The following NRG3 variants were observed in gnomAD, a reference collection of about 807,000 sequenced individuals.
The protein encoded by NRG3 is neuregulin 3, also known as pro-neuregulin-3, membrane-bound isoform.
A neutral mutation model predicts 66.9 loss-of-function variants in NRG3; 31 were observed. That is an observed-to-expected ratio of 0.46 (90% CI 0.35 to 0.63). NRG3 has a LOEUF of 0.63. Among genes scored for constraint, NRG3 ranks in the 20% least tolerant of loss-of-function variants. The pLI is 0.00. For missense variants in NRG3, 910 were observed against 878.9 expected, an observed-to-expected ratio of 1.04 and a Z score of -0.45; for synonymous variants, 393 against 359.4, an observed-to-expected ratio of 1.09 and a Z score of -1.06.
At chr10:82,056,460 A>G (rs890938285) in intron 1 of NRG3, among the ~76,000 whole-genome samples, 2 of 152,190 alleles carry the variant, frequency 1.3e-5, no homozygotes, top group Non-Finnish European at 2.9e-5. Flanking sequence ...CAATTATAGA[A>G]GTGAGGGGCT....
intron 4 of NRG3, among the ~76,000 whole-genome samples, chr10:82,907,048 T>C (rs1484655352): frequency 2.6e-5 from 4 of 152,178 alleles, no homozygotes; most frequent in Admixed American, 6.5e-5. Flanking sequence ...CAAACTGATT[T>C]GGGTTAGCAG....
chr10:81,995,481 A>G (rs2060903383), intron 1 of NRG3, among the ~76,000 whole-genome samples: 1 of 152,090 alleles, frequency 6.6e-6, no homozygotes, highest in Non-Finnish European at 1.5e-5. Flanking sequence ...AAACCCCTTC[A>G]TTTAGCTTTT....
At chr10:82,965,004 C>T (rs1851067469) in intron 6 of NRG3, among the ~76,000 whole-genome samples, 2 of 152,202 alleles carry the variant, frequency 1.3e-5, no homozygotes, top group African/African-American at 4.8e-5. Flanking sequence ...GAGATACCTT[C>T]ATTACCTGGG....
At chr10:82,244,923 G>A (rs1204124143) in intron 1 of NRG3, among the ~76,000 whole-genome samples, 12 of 151,874 alleles carry the variant, frequency 7.9e-5, no homozygotes, top group East Asian at 1.9e-4. Flanking sequence ...TTGTAGAGAC[G>A]GGGTTTCACC....
chr10:82,742,672 A>G (rs2058475314), intron 3 of NRG3, among the ~76,000 whole-genome samples: 1 of 152,076 alleles, frequency 6.6e-6, no homozygotes, highest in Non-Finnish European at 1.5e-5. Context: ...GGCATCAGCT[A>G]CTGTGGCATT....
chr10:82,028,244 C>G (rs1176328855), intron 1 of NRG3, among the ~76,000 whole-genome samples: 3 of 152,206 alleles, frequency 2.0e-5, no homozygotes, highest in African/African-American at 4.8e-5. Flanking sequence ...CACTGAATTT[C>G]TGCCTGCTTC....
chr10:82,932,087 C>T (rs1041068898), intron 4 of NRG3, among the ~76,000 whole-genome samples: 1 of 152,190 alleles, frequency 6.6e-6, no homozygotes, highest in Non-Finnish European at 1.5e-5. Context: ...ATCCCCAAAT[C>T]TTCTGCAGCA....
At chr10:82,480,237 A>G (rs1842156617) in intron 2 of NRG3, among the ~76,000 whole-genome samples, 1 of 152,074 alleles carries the variant, frequency 6.6e-6, no homozygotes, top group Non-Finnish European at 1.5e-5. Context: ...TATAAGGTTT[A>G]TTTTCTTTTT....
Position 82,551,181 on chromosome 10 carries a change from G to A in NRG3, c.954-187396G>A, listed in dbSNP as rs1296857081. On this transcript the variant is annotated intron_variant, in intron 2 of 8. Coordinates refer to ENST00000372141, the MANE Select transcript of NRG3 (RefSeq NM_001010848.4). ...ATGAGATTAAAATACAGTATTTGAG[G>A]AAGTAGCATGCAGAGATAAATGGAA... Among the ~76,000 whole-genome samples, 3 of 152,122 alleles carry A rather than the reference G, an allele frequency of 2.0e-5. No homozygotes were observed. The East Asian group carries it at 5.8e-4, about 29-fold the overall frequency.
At chr10:82,900,066 A>G (rs1844059409) in intron 4 of NRG3, among the ~76,000 whole-genome samples, 1 of 152,192 alleles carries the variant, frequency 6.6e-6, no homozygotes, top group African/African-American at 2.4e-5. Context: ...GCAGAAGGCA[A>G]AGGGGCAGCA....
intron 3 of NRG3, among the ~76,000 whole-genome samples, chr10:82,760,881 C>T (rs1294775149): frequency 2.6e-5 from 4 of 151,492 alleles, no homozygotes. Context: ...ATGTATATTA[C>T]AAATGTAAAC....
chr10:82,804,515 G>A (rs951457352), intron 3 of NRG3, among the ~76,000 whole-genome samples: 1 of 152,054 alleles, frequency 6.6e-6, no homozygotes, highest in Non-Finnish European at 1.5e-5. Context: ...ATAAAAGGGG[G>A]CCACTATAGT....
chr10:82,138,562 T>C (rs1411954467), intron 1 of NRG3, among the ~76,000 whole-genome samples: 3 of 152,158 alleles, frequency 2.0e-5, no homozygotes, highest in Non-Finnish European at 4.4e-5. Flanking sequence ...CATGTATATA[T>C]GAAAGGGAGT....
At chr10:82,242,606 C>G (rs981819604) in intron 1 of NRG3, among the ~76,000 whole-genome samples, 1 of 151,972 alleles carries the variant, frequency 6.6e-6, no homozygotes, top group Admixed American at 6.6e-5. Flanking sequence ...TTGCTGAGAC[C>G]TGGAGAGGTT....
At chr10:82,777,647 T>G (rs554126608) in intron 3 of NRG3, among the ~76,000 whole-genome samples, 4 of 152,124 alleles carry the variant, frequency 2.6e-5, no homozygotes, top group Non-Finnish European at 4.4e-5. Context: ...TAGGGAAGAA[T>G]TGGTGTTCTA....
At chr10:82,230,838 T>A (rs2133880801) in intron 1 of NRG3, among the ~76,000 whole-genome samples, 1 of 152,310 alleles carries the variant, frequency 6.6e-6, no homozygotes, top group Middle Eastern at 3.4e-3. Context: ...ATTCTTCATC[T>A]TTTATAGCTG....
At chr10:82,303,336 AACAC>A (rs144860357) in intron 1 of NRG3, among the ~76,000 whole-genome samples, 1 of 149,328 alleles carries the variant, frequency 6.7e-6, no homozygotes, top group Non-Finnish European at 1.5e-5. Context: ...TGCGTGTATA[AACAC>A]ACACACACAC....
chr10:81,886,316 A>G (rs1479710614), intron 1 of NRG3, among the ~76,000 whole-genome samples: 2 of 152,140 alleles, frequency 1.3e-5, no homozygotes, highest in African/African-American at 4.8e-5. Context: ...GTTTATGCTG[A>G]TTGTTTTTGT....
chr10:82,321,518 T>G (rs1346957353), intron 1 of NRG3, among the ~76,000 whole-genome samples: 3 of 152,162 alleles, frequency 2.0e-5, no homozygotes, highest in African/African-American at 4.8e-5. Flanking sequence ...CATCCAGAAA[T>G]GGGATGTCCT....
Sources: allele counts gnomAD v4.1 joint callset (sites outside exome capture counted in the v4.1 genomes callset), GRCh38; gene constraint gnomAD v4.1.1; transcripts MANE v1.5; gene names NCBI Gene and HGNC (gene_info 2026-07-23, HGNC 2026-07-21).